Variants in MACROD2 observed in about 807,000 individuals in gnomAD.
MACROD2 encodes ADP-ribose glycohydrolase MACROD2.
MACROD2 carries 36 observed loss-of-function variants against 70.4 expected under a neutral mutation model. The ratio of observed to expected loss-of-function variants is 0.51; its 90% confidence interval spans 0.39 to 0.68. The LOEUF (loss-of-function observed/expected upper bound fraction) is 0.68. Among genes scored for constraint, MACROD2 ranks in the 30% least tolerant of loss-of-function variants. The pLI, the probability that MACROD2 is intolerant of heterozygous loss-of-function variation, is 0.00. For missense variants in MACROD2, 496 were observed against 538.4 expected (o/e 0.92, Z 0.78); for synonymous variants, 172 against 178.8 (o/e 0.96, Z 0.30).
intron 6 of MACROD2, among the ~76,000 whole-genome samples, chr20:15,357,042 G>T (rs1021253520): frequency 6.6e-6 from 1 of 152,054 alleles, no homozygotes; most frequent in Non-Finnish European, 1.5e-5. Context: ...GAAGATCTGA[G>T]CTAGTGACTA....
chr20:15,664,382 C>T (rs759985055), intron 8 of MACROD2, among the ~76,000 whole-genome samples: 7 of 152,154 alleles, frequency 4.6e-5, no homozygotes, highest in Middle Eastern at 3.2e-3. Flanking sequence ...GTTTAAGCAG[C>T]ATAAAATATT....
At chr20:14,505,762 T>C (rs2084962214) in intron 4 of MACROD2, among the ~76,000 whole-genome samples, 1 of 152,178 alleles carries the variant, frequency 6.6e-6, no homozygotes, top group Admixed American at 6.5e-5. Context: ...CTTTAAGAAT[T>C]ACTGCTCTAA....
intron 6 of MACROD2, among the ~76,000 whole-genome samples, chr20:15,425,210 G>A (rs1347296718): frequency 6.6e-6 from 1 of 152,146 alleles, no homozygotes; most frequent in East Asian, 1.9e-4. Flanking sequence ...CATAAGTACT[G>A]GATCCTGAAT....
intron 3 of MACROD2, among the ~76,000 whole-genome samples, chr20:14,259,536 G>A (rs1235817003): frequency 6.6e-6 from 1 of 151,896 alleles, no homozygotes; most frequent in Non-Finnish European, 1.5e-5. Context: ...CAATGTAACT[G>A]GTAAAAACAA....
At chr20:14,345,016 A>C (rs1458973427) in intron 3 of MACROD2, among the ~76,000 whole-genome samples, 2 of 152,242 alleles carry the variant, frequency 1.3e-5, no homozygotes, top group Non-Finnish European at 2.9e-5. Flanking sequence ...TCTTATTAAC[A>C]AAGAACAAAG....
At chr20:15,217,851 A>C (rs1179035679) in intron 5 of MACROD2, among the ~76,000 whole-genome samples, 1 of 152,164 alleles carries the variant, frequency 6.6e-6, no homozygotes, top group East Asian at 1.9e-4. Flanking sequence ...TTACTGTGGA[A>C]AGGTCTCTTG....
At chr20:15,103,558 A>T (rs878890132) in intron 5 of MACROD2, among the ~76,000 whole-genome samples, 3 of 152,188 alleles carry the variant, frequency 2.0e-5, no homozygotes, top group Admixed American at 2.0e-4. Flanking sequence ...CTGTTGGACC[A>T]TTAGTATTGG....
rs781000366 is a variant in MACROD2 at position 14,053,960 on chromosome 20, T to C, written c.164-31661T>C. ...TTGGTGTTGGTATAAACCCTGATCC[T>C]AAACGGTAAATTAATACTTGGAAAT... On this transcript the variant is annotated intron_variant, in intron 2 of 17. Transcript: ENST00000684519. 3.3e-5 allele frequency among the ~76,000 whole-genome samples: 5 copies of C among 152,238 alleles called. No individual in the cohort carries two copies. In the East Asian group the frequency reaches 5.8e-4, roughly 18 times the overall value.
intron 6 of MACROD2, among the ~76,000 whole-genome samples, chr20:15,279,066 A>C: frequency 6.6e-6 from 1 of 152,188 alleles, no homozygotes; most frequent in Non-Finnish European, 1.5e-5. Flanking sequence ...AATAAAAAAG[A>C]ATGTCAGTTT....
intron 5 of MACROD2, among the ~76,000 whole-genome samples, chr20:14,857,721 C>T (rs2073270084): frequency 6.6e-6 from 1 of 152,158 alleles, no homozygotes; most frequent in African/African-American, 2.4e-5. Context: ...AAGGAATTCT[C>T]ACATTAAGTT....
chr20:14,851,356 A>G (rs1232317946), intron 5 of MACROD2, among the ~76,000 whole-genome samples: 2 of 152,152 alleles, frequency 1.3e-5, no homozygotes, highest in African/African-American at 2.4e-5. Flanking sequence ...TCCCCAGCAC[A>G]GAACAATTAC....
At chr20:15,075,678 ACTC>A (rs2075652033) in intron 5 of MACROD2, among the ~76,000 whole-genome samples, 2 of 151,952 alleles carry the variant, frequency 1.3e-5, no homozygotes, top group South Asian at 4.2e-4. Flanking sequence ...CCCTGAGTAA[ACTC>A]CTCCTTGTGT....
chr20:14,215,795 G>A (rs979879208), intron 3 of MACROD2, among the ~76,000 whole-genome samples: 6 of 151,970 alleles, frequency 3.9e-5, no homozygotes, highest in African/African-American at 1.5e-4. Flanking sequence ...ATGTTTGTTG[G>A]CCATTTGTAT....
chr20:14,204,036 G>A lies in MACROD2; in HGVS notation c.271+118308G>A, dbSNP rs140792510. 4.6e-3 allele frequency among the ~76,000 whole-genome samples: 695 copies of A among 152,344 alleles called. 2 individuals are homozygous for A. Among genetic ancestry groups the A allele is most frequent in the Non-Finnish European group, 7.2e-3 (493 of 68,032 alleles). On this transcript the variant is annotated intron_variant, in intron 3 of 17. Coordinates refer to ENST00000684519, the MANE Select transcript of MACROD2 (RefSeq NM_001351661.2). ...ACCCTTGGGCCCCTGAGTGGTACATGTAGGTGCCAGCAATGGAGGGACTGT... is the reference window on the plus strand; with the variant it reads ...ACCCTTGGGCCCCTGAGTGGTACATATAGGTGCCAGCAATGGAGGGACTGT...
rs1379426623 is a variant in MACROD2, at chr20:14,508,010, C to G, written c.301+14502C>G. 3.9e-5 allele frequency among the ~76,000 whole-genome samples: 6 copies of G among 152,134 alleles called. No individual in the cohort carries two copies. In the East Asian group the frequency reaches 9.6e-4, roughly 24 times the overall value. Reference sequence around the variant, plus strand: ...TGAAATCATGCAAACATTAGACATACAGAAAAGCCTGGGAAAGAAGAGGCA... The same window carrying G: ...TGAAATCATGCAAACATTAGACATAGAGAAAAGCCTGGGAAAGAAGAGGCA... On this transcript the variant is annotated intron_variant, in intron 4 of 17. Coordinates refer to ENST00000684519, the MANE Select transcript of MACROD2 (RefSeq NM_001351661.2).
At chr20:15,651,300 T>C (rs1467408140) in intron 8 of MACROD2, among the ~76,000 whole-genome samples, 1 of 152,216 alleles carries the variant, frequency 6.6e-6, no homozygotes, top group African/African-American at 2.4e-5. Flanking sequence ...TTTGTTCTTA[T>C]TAAGCACAGC....
At chr20:15,356,653 G>A (rs190735850) in intron 6 of MACROD2, among the ~76,000 whole-genome samples, 2 of 152,210 alleles carry the variant, frequency 1.3e-5, no homozygotes, top group East Asian at 3.9e-4. Context: ...GCATGATGGT[G>A]TACACCTGTA....
chr20:14,816,724 G>A (rs202100145), intron 5 of MACROD2, among the ~76,000 whole-genome samples: 6 of 152,006 alleles, frequency 3.9e-5, no homozygotes, highest in South Asian at 2.1e-4. Context: ...GAGGAATTGC[G>A]GTGCATGTTA....
At chr20:15,745,922 C>T (rs1438375447) in intron 8 of MACROD2, among the ~76,000 whole-genome samples, 2 of 152,048 alleles carry the variant, frequency 1.3e-5, no homozygotes, top group Non-Finnish European at 2.9e-5. Context: ...TTCTGGTGTG[C>T]TGATTATTTA....
Sources: allele counts gnomAD v4.1 joint callset (sites outside exome capture counted in the v4.1 genomes callset), GRCh38; gene constraint gnomAD v4.1.1; transcripts MANE v1.5; gene names NCBI Gene and HGNC (gene_info 2026-07-23, HGNC 2026-07-21).